Variants in STK32B observed in about 807,000 individuals in gnomAD.
The protein encoded by STK32B is serine/threonine kinase 32B.
STK32B carries 43 observed loss-of-function variants against 52.6 expected under a neutral mutation model. The observed-to-expected ratio is 0.82, with a 90% CI of 0.64 to 1.05. STK32B has a LOEUF of 1.05. Among genes scored for constraint, STK32B ranks in the 50% least tolerant of loss-of-function variants. The probability of loss-of-function intolerance (pLI) is 0.00; values close to 1 mark genes in which losing one functional copy is unlikely to be tolerated. For missense variants in STK32B, 621 were observed against 534.6 expected, an observed-to-expected ratio of 1.16 and a Z score of -1.59; for synonymous variants, 238 against 204.3, an observed-to-expected ratio of 1.17 and a Z score of -1.41.
intron 4 of STK32B, among the ~76,000 whole-genome samples, chr4:5,359,567 G>T (rs142320776): frequency 5.3e-5 from 8 of 152,180 alleles, no homozygotes; most frequent in African/African-American, 1.9e-4. Flanking sequence ...TATGTAACAT[G>T]TCAGGCAGTG....
At chr4:5,128,171 G>T (rs1014141271) in intron 1 of STK32B, among the ~76,000 whole-genome samples, 48 of 152,186 alleles carry the variant, frequency 3.2e-4, no homozygotes, top group African/African-American at 1.1e-3. Context: ...AGGGAGCATG[G>T]TCCTGAGGAC....
At chr4:5,086,927 A>C (rs1712763101) in intron 1 of STK32B, among the ~76,000 whole-genome samples, 1 of 152,238 alleles carries the variant, frequency 6.6e-6, no homozygotes, top group African/African-American at 2.4e-5. Flanking sequence ...GTCCTGCAAC[A>C]GATAGTAAAG....
chr4:5,078,032 C>G (rs1712184466), intron 1 of STK32B, among the ~76,000 whole-genome samples: 1 of 152,128 alleles, frequency 6.6e-6, no homozygotes, highest in South Asian at 2.1e-4. Context: ...TTTCACACAT[C>G]TCTTCTCTCA....
intron 3 of STK32B, among the ~76,000 whole-genome samples, chr4:5,229,100 CAT>C (rs1358364492): frequency 2.0e-5 from 3 of 152,026 alleles, no homozygotes; most frequent in Non-Finnish European, 4.4e-5. Context: ...AAAGTCAGCA[CAT>C]GTCTTTGGAA....
At chr4:5,348,995 G>C (rs996426898) in intron 4 of STK32B, among the ~76,000 whole-genome samples, 34 of 152,160 alleles carry the variant, frequency 2.2e-4, no homozygotes, top group Non-Finnish European at 4.6e-4. Context: ...GGCCTGCCCA[G>C]CCCATCACTG....
intron 4 of STK32B, among the ~76,000 whole-genome samples, chr4:5,336,708 C>G (rs1286581239): frequency 6.6e-6 from 1 of 151,810 alleles, no homozygotes; most frequent in African/African-American, 2.4e-5. Flanking sequence ...AAATACGAGA[C>G]AAAGCAAAGT....
At chr4:5,468,922 C>T (rs75997386) in intron 11 of STK32B, among the ~76,000 whole-genome samples, 4,304 of 152,078 alleles carry the variant, frequency 0.028, 216 homozygotes, top group African/African-American at 0.095. Context: ...CAGTGGCGGG[C>T]ACCTGTAGTC....
At chr4:5,306,895 A>G (rs1429359843) in intron 3 of STK32B, among the ~76,000 whole-genome samples, 1 of 152,146 alleles carries the variant, frequency 6.6e-6, no homozygotes, top group Non-Finnish European at 1.5e-5. Context: ...TTCATTTATG[A>G]AGCTTAGTTT....
At chr4:5,154,689 G>A (rs761382457) in intron 2 of STK32B, among the ~76,000 whole-genome samples, 15 of 152,156 alleles carry the variant, frequency 9.9e-5, no homozygotes, top group South Asian at 2.1e-4. Flanking sequence ...ACACAGCAGC[G>A]CCAGGCATGG....
intron 1 of STK32B, among the ~76,000 whole-genome samples, chr4:5,101,200 T>A (rs909114037): frequency 1.3e-5 from 2 of 152,186 alleles, no homozygotes; most frequent in African/African-American, 4.8e-5. Flanking sequence ...TGAGCCTGAT[T>A]CCAGAGGACA....
chr4:5,373,487 T>G (rs115935535), intron 4 of STK32B, among the ~76,000 whole-genome samples: 349 of 152,274 alleles, frequency 2.3e-3, no homozygotes, highest in African/African-American at 7.9e-3. Context: ...CAGGGGAAGA[T>G]CAGACCTTTT....
intron 2 of STK32B, among the ~76,000 whole-genome samples, chr4:5,164,711 G>A (rs978940920): frequency 6.6e-6 from 1 of 152,154 alleles, no homozygotes; most frequent in Non-Finnish European, 1.5e-5. Flanking sequence ...GGCTCAGAGA[G>A]GGTGGGCGAC....
chr4:5,384,881 C>T (rs142319309), intron 4 of STK32B, among the ~76,000 whole-genome samples: 10 of 152,044 alleles, frequency 6.6e-5, no homozygotes, highest in East Asian at 1.9e-4. Flanking sequence ...GAGTGAGTGG[C>T]GGAGGCAGGT....
intron 2 of STK32B, among the ~76,000 whole-genome samples, chr4:5,164,760 C>T (rs373205736): frequency 2.1e-4 from 32 of 152,208 alleles, no homozygotes; most frequent in African/African-American, 7.7e-4. Context: ...GAATTTAAGC[C>T]CTGCTCAGGA....
At chr4:5,447,016 G>A (rs371367378) in intron 7 of STK32B, 3 of 418,038 alleles carry the variant, frequency 7.2e-6, no homozygotes, top group African/African-American at 4.0e-5. Flanking sequence ...TTACACAAAG[G>A]CCCACAGCGG....
rs1741790198 is a variant in STK32B, at chr4:5,051,739, G to C, written c.-125G>C. On this transcript the variant is annotated 5_prime_UTR_variant, in exon 1 of 12. Transcript: ENST00000282908. ...CCTGCACGGTGCTCGGCCCCCTCGG[G>C]CTCCGCGCGCGGCTACAACCCGGAC... 7.4e-7 allele frequency: 1 copy of C among 1,351,236 alleles called. No homozygotes were observed. Among genetic ancestry groups the C allele is most frequent in the Non-Finnish European group, 1.0e-6 (1 of 990,542 alleles). The allele number at this position is 1,351,236 out of a possible 1,614,324, so 83.7% of individuals were successfully genotyped here.
intron 6 of STK32B, among the ~76,000 whole-genome samples, chr4:5,424,151 C>T (rs1252646445): frequency 2.0e-5 from 3 of 152,128 alleles, no homozygotes; most frequent in Non-Finnish European, 4.4e-5. Context: ...ACTGACATGC[C>T]AGCCCCCTGC....
At chr4:5,338,031 A>T (rs1732821123) in intron 4 of STK32B, among the ~76,000 whole-genome samples, 1 of 152,188 alleles carries the variant, frequency 6.6e-6, no homozygotes, top group East Asian at 1.9e-4. Context: ...TCATTTAGAG[A>T]TAAGGAGTTA....
intron 3 of STK32B, among the ~76,000 whole-genome samples, chr4:5,196,190 T>C (rs1288841650): frequency 1.3e-5 from 2 of 152,254 alleles, no homozygotes; most frequent in East Asian, 3.9e-4. Flanking sequence ...GCACCTGGGA[T>C]CGTCTCATGG....
Sources: allele counts gnomAD v4.1 joint callset (sites outside exome capture counted in the v4.1 genomes callset), GRCh38; gene constraint gnomAD v4.1.1; transcripts MANE v1.5; gene names NCBI Gene and HGNC (gene_info 2026-07-23, HGNC 2026-07-21).